The following HSPA12B variants were observed in gnomAD, a reference collection of about 807,000 sequenced individuals.
HSPA12B encodes heat shock 70 kDa protein 12B.
A neutral mutation model predicts 69.3 loss-of-function variants in HSPA12B; 54 were observed. The observed-to-expected ratio is 0.78, with a 90% CI of 0.63 to 0.98. The LOEUF is 0.98. Ranked by LOEUF, HSPA12B falls within the 50% of genes least tolerant of loss-of-function variation. The pLI is 0.00. For missense variants in HSPA12B, 929 were observed against 999.8 expected, an observed-to-expected ratio of 0.93 and a Z score of 0.96; for synonymous variants, 441 against 436.5, an observed-to-expected ratio of 1.01 and a Z score of -0.13.
At position 3,745,665 on chromosome 20, in the gene HSPA12B, TCC is replaced by T; in HGVS notation, c.558+72_558+73del. On this transcript the variant is annotated intron_variant, in intron 6 of 12. Transcript: ENST00000254963. This position sits in a 1 kb window ranked among gnomAD's most constrained non-coding sequence, Gnocchi z 5.6. ...CTATTTTCCCCTCATCCGAAACCGC[TCC>T]CCCATCCCGTCCCCGACATTGGATG... is the stretch of plus-strand genomic sequence containing the variant. 7.2e-7 allele frequency: 1 copy of T among 1,389,756 alleles called. No individual in the cohort carries two copies. The highest frequency in any genetic ancestry group is 1.0e-6 in the Non-Finnish European group (1 of 985,964). The allele number at this position is 1,389,756 out of a possible 1,614,324, so 86.1% of individuals were successfully genotyped here.
At position 3,738,718 on chromosome 20, in the gene HSPA12B, G is replaced by T. The variant is rs763181692; in HGVS notation, c.43+1G>T. On this transcript the variant is annotated splice_donor_variant, in intron 2 of 12. Coordinates refer to ENST00000254963, the MANE Select transcript of HSPA12B (RefSeq NM_052970.5). LOFTEE classifies it high-confidence loss of function. Reference sequence around the variant, plus strand: ...ATGGGCCTGCAGGGGCTGTACATCGGTAAGAACCCCCACCATTCTGCCCTG... The same window carrying T: ...ATGGGCCTGCAGGGGCTGTACATCGTTAAGAACCCCCACCATTCTGCCCTG... The T allele has an allele frequency of 2.5e-6, 4 of 1,614,138 alleles. No individual in the cohort carries two copies. The highest frequency in any genetic ancestry group is 2.5e-6 in the Non-Finnish European group (3 of 1,180,016).
rs1344964492 is a variant in HSPA12B at position 3,732,695 on chromosome 20, G to T, written c.-117G>T. 1.3e-5 allele frequency: 2 copies of T among 151,308 alleles called. No homozygotes were observed. The highest frequency in any genetic ancestry group is 3.0e-5 in the Non-Finnish European group (2 of 67,598). The allele number at this position is 151,308 out of a possible 1,614,324, so 9.4% of individuals were successfully genotyped here. A position where few individuals can be genotyped will look rare whatever the true frequency, so the allele number is the denominator to read the frequency against. ...GAGGCGGGAGGCCTCAGGGCCGGGCGCACGTCGAGGGCTGCGGCCGCCGCA... is the reference window on the plus strand; with the variant it reads ...GAGGCGGGAGGCCTCAGGGCCGGGCTCACGTCGAGGGCTGCGGCCGCCGCA... On this transcript the variant is annotated 5_prime_UTR_variant, in exon 1 of 13. Coordinates refer to ENST00000254963, the MANE Select transcript of HSPA12B (RefSeq NM_052970.5).
At chr20:3,746,544 C>T (rs1189225377) in intron 7 of HSPA12B, among the ~76,000 whole-genome samples, 2 of 151,882 alleles carry the variant, frequency 1.3e-5, no homozygotes, top group Admixed American at 6.6e-5. Flanking sequence ...CCTTGTGATC[C>T]GCCCGCCTCG....
rs778361086 is a variant in HSPA12B at position 3,749,844 on chromosome 20, C to T, written c.1032C>T (p.Tyr344=). Residue 344 remains tyrosine, a synonymous_variant, in exon 10 of 13, where the codon TAC becomes TAT. Coordinates refer to ENST00000254963, the MANE Select transcript of HSPA12B (RefSeq NM_052970.5). The surrounding 1 kb of genome is among the most constrained non-coding windows in gnomAD (Gnocchi z 5.5). ...CCCATGGCACCCTCAAGGAGCTCTA[C>T]AAGGCATCTGGTGAGTAGCCAGGCG... ...EQPHGTLKEL[Y]KASGGPYGAV... is the part of the protein sequence containing the mutation. The T allele has an allele frequency of 4.4e-6, 7 of 1,606,696 alleles. No individual in the cohort carries two copies. In the Admixed American group the frequency reaches 1.2e-4, roughly 27 times the overall value.
Position 3,751,791 on chromosome 20 carries a change from GGTT to G in HSPA12B, c.1687_1689del (p.Val563del). ...GGCGCCACCCGCCCGAAAAGCTGCTGGTTCGCGACGGCCGCCGCTGGTGCACCG... is the reference window on the plus strand; with the variant it reads ...GGCGCCACCCGCCCGAAAAGCTGCTGCGCGACGGCCGCCGCTGGTGCACCG... On this transcript the variant is annotated inframe_deletion, in exon 13 of 13. Coordinates refer to ENST00000254963, the MANE Select transcript of HSPA12B (RefSeq NM_052970.5). The G allele has an allele frequency of 6.5e-7, 1 of 1,528,194 alleles. No individual in the cohort carries two copies. Among genetic ancestry groups the G allele is most frequent in the Non-Finnish European group, 8.7e-7 (1 of 1,143,282 alleles). The allele number at this position is 1,528,194 out of a possible 1,614,324, so 94.7% of individuals were successfully genotyped here.
Position 3,745,820 on chromosome 20 carries a change from T to C in HSPA12B, c.559-95T>C. 8.5e-7 allele frequency: 1 copy of C among 1,171,686 alleles called. No individual in the cohort carries two copies. Among genetic ancestry groups the C allele is most frequent in the Non-Finnish European group, 1.3e-6 (1 of 778,168 alleles). 72.6% of individuals were successfully genotyped at this position (1,171,686 alleles called of 1,614,324 possible). A position where few individuals can be genotyped will look rare whatever the true frequency, so the allele number is the denominator to read the frequency against. ...TCTTCCAGCTCTGCTGGGAAGTCCT[T>C]CCTGTGATTTGATTAGTACCTCCAG... On this transcript the variant is annotated intron_variant, in intron 6 of 12. Coordinates refer to ENST00000254963, the MANE Select transcript of HSPA12B (RefSeq NM_052970.5). The surrounding 1 kb of genome is among the most constrained non-coding windows in gnomAD (Gnocchi z 5.6).
intron 11 of HSPA12B, among the ~76,000 whole-genome samples, chr20:3,750,462 G>A (rs974709872): frequency 2.0e-5 from 3 of 152,094 alleles, no homozygotes; most frequent in Non-Finnish European, 2.9e-5. Flanking sequence ...GAATCATAGC[G>A]GGGAGGCGGC....
At position 3,748,883 on chromosome 20, in the gene HSPA12B, C is replaced by CCAT. The variant is rs149306499; in HGVS notation, c.851-347_851-345dup. On this transcript the variant is annotated intron_variant, in intron 8 of 12. Transcript: ENST00000254963. ...ACAGCTATGGTCATCCTCCCAAATG[C>CCAT]CATCTCCCAGGGCAGGGAGAAGCCC... Among the ~76,000 whole-genome samples, 578 of 152,288 alleles carry CCAT rather than the reference C, an allele frequency of 3.8e-3. 13 individuals are homozygous for CCAT. The highest frequency in any genetic ancestry group is 0.031 in the Admixed American group (470 of 15,304).
rs2088290721 is a variant in HSPA12B, at chr20:3,745,811, G to A, written c.559-104G>A. 8.9e-7 allele frequency: 1 copy of A among 1,119,582 alleles called. No homozygotes were observed. The highest frequency in any genetic ancestry group is 1.4e-6 in the Non-Finnish European group (1 of 732,180). 69.4% of individuals were successfully genotyped at this position (1,119,582 alleles called of 1,614,324 possible). On this transcript the variant is annotated intron_variant, in intron 6 of 12. Coordinates refer to ENST00000254963, the MANE Select transcript of HSPA12B (RefSeq NM_052970.5). This position sits in a 1 kb window ranked among gnomAD's most constrained non-coding sequence, Gnocchi z 5.6. ...GGGGCCGATTCTTCCAGCTCTGCTG[G>A]GAAGTCCTTCCTGTGATTTGATTAG...
intron 1 of HSPA12B, among the ~76,000 whole-genome samples, chr20:3,734,499 A>G (rs2088077591): frequency 6.6e-6 from 1 of 152,166 alleles, no homozygotes; most frequent in African/African-American, 2.4e-5. Context: ...ATTACTCTCA[A>G]ACCCATAGGC....
At position 3,744,816 on chromosome 20, in the gene HSPA12B, CTG is replaced by C; in HGVS notation, c.267-84_267-83del. The C allele has an allele frequency of 7.7e-7, 1 of 1,300,212 alleles. No individual in the cohort carries two copies. The allele number at this position is 1,300,212 out of a possible 1,614,324, so 80.5% of individuals were successfully genotyped here. ...GCTAGTTCTCCCTGCTCTTTCACAT[CTG>C]TAAGTTTTTGCACATGCTGTTCCCT... On this transcript the variant is annotated intron_variant, in intron 4 of 12. Transcript: ENST00000254963. The surrounding 1 kb of genome is among the most constrained non-coding windows in gnomAD (Gnocchi z 4.9).
At position 3,740,888 on chromosome 20, in the gene HSPA12B, C is replaced by G; in HGVS notation, c.117C>G (p.Ala39=). ...SPRTQESCGI[A]PLTPSQSPKP... Reference sequence around the variant, plus strand: ...GGACCCAGGAAAGCTGCGGCATTGCCCCCCTCACACCCTCGCAGTCTCCAG... The same window carrying G: ...GGACCCAGGAAAGCTGCGGCATTGCGCCCCTCACACCCTCGCAGTCTCCAG... Residue 39 remains alanine, a synonymous_variant, in exon 3 of 13, where the codon GCC becomes GCG. Coordinates refer to ENST00000254963, the MANE Select transcript of HSPA12B (RefSeq NM_052970.5). The surrounding 1 kb of genome is among the most constrained non-coding windows in gnomAD (Gnocchi z 4.9). 1 of 1,613,416 alleles carries G rather than the reference C, an allele frequency of 6.2e-7. No homozygotes were observed. The highest frequency in any genetic ancestry group is 1.1e-5 in the South Asian group (1 of 90,994).
intron 3 of HSPA12B, among the ~76,000 whole-genome samples, chr20:3,741,572 G>A (rs369460883): frequency 2.0e-5 from 3 of 152,180 alleles, no homozygotes; most frequent in Non-Finnish European, 4.4e-5. Context: ...AGCGGAGGTT[G>A]CAGTTAGCCA....
chr20:3,745,438 A>G lies in HSPA12B; in HGVS notation c.454-55A>G. On this transcript the variant is annotated intron_variant, in intron 5 of 12. Coordinates refer to ENST00000254963, the MANE Select transcript of HSPA12B (RefSeq NM_052970.5). This position sits in a 1 kb window ranked among gnomAD's most constrained non-coding sequence, Gnocchi z 5.6. ...GGGTGATTTTAAGAGCGAGGTCGTC[A>G]GGAAATGAGTGCCAAGCTGAGGCCT... 1 of 1,268,692 alleles carries G rather than the reference A, an allele frequency of 7.9e-7. No homozygotes were observed. The highest frequency in any genetic ancestry group is 1.2e-6 in the Non-Finnish European group (1 of 865,606). The allele number at this position is 1,268,692 out of a possible 1,614,324, so 78.6% of individuals were successfully genotyped here. A position where few individuals can be genotyped will look rare whatever the true frequency, so the allele number is the denominator to read the frequency against.
rs1468951158 is a variant in HSPA12B at position 3,749,169 on chromosome 20, G to C, written c.851-63G>C. On this transcript the variant is annotated intron_variant, in intron 8 of 12. Coordinates refer to ENST00000254963, the MANE Select transcript of HSPA12B (RefSeq NM_052970.5). The surrounding 1 kb of genome is among the most constrained non-coding windows in gnomAD (Gnocchi z 5.5). The stretch of plus-strand genomic sequence containing the variant: ...GGAGGTCCTGGGCAGGAGGATGGGA[G>C]TTGAACGCCATAGCTGGAGCACCTC... 5.5e-6 allele frequency: 8 copies of C among 1,460,388 alleles called. No homozygotes were observed. The highest frequency in any genetic ancestry group is 1.4e-5 in the African/African-American group (1 of 71,760). 90.5% of individuals were successfully genotyped at this position (1,460,388 alleles called of 1,614,324 possible).
chr20:3,745,735 C>T lies in HSPA12B; in HGVS notation c.558+138C>T. On this transcript the variant is annotated intron_variant, in intron 6 of 12. Coordinates refer to ENST00000254963, the MANE Select transcript of HSPA12B (RefSeq NM_052970.5). This position sits in a 1 kb window ranked among gnomAD's most constrained non-coding sequence, Gnocchi z 5.6. ...CTCAGAGGTCATCTTCTCCAGTACC[C>T]TCCTCCCTTTTTGTCTGGTAGAGCC... 1.1e-6 allele frequency: 1 copy of T among 921,004 alleles called. No individual in the cohort carries two copies. Among genetic ancestry groups the T allele is most frequent in the Admixed American group, 1.9e-5 (1 of 53,758 alleles). The allele number at this position is 921,004 out of a possible 1,614,324, so 57.1% of individuals were successfully genotyped here.
rs2088380935 is a variant in HSPA12B, at chr20:3,749,942, C to T, written c.1043-27C>T. The T allele has an allele frequency of 6.5e-7, 1 of 1,548,042 alleles. No individual in the cohort carries two copies. ...CCTGGCGGCCCGGCGAGCGCTGACGCCCTCTTCGCCCCCTGCTCCACCCCA... is the reference window on the plus strand; with the variant it reads ...CCTGGCGGCCCGGCGAGCGCTGACGTCCTCTTCGCCCCCTGCTCCACCCCA... On this transcript the variant is annotated intron_variant, in intron 10 of 12. Coordinates refer to ENST00000254963, the MANE Select transcript of HSPA12B (RefSeq NM_052970.5). The surrounding 1 kb of genome is among the most constrained non-coding windows in gnomAD (Gnocchi z 5.5).
At position 3,740,838 on chromosome 20, in the gene HSPA12B, G is replaced by A. The variant is rs34414870; in HGVS notation, c.67G>A (p.Val23Met). 2 of 1,613,832 alleles carry A rather than the reference G, an allele frequency of 1.2e-6. No individual in the cohort carries two copies. The highest frequency in any genetic ancestry group is 2.2e-5 in the South Asian group (2 of 91,072). ...YIGSSPERSPVPSPPGSPRTQ... is the reference protein window; with the variant it reads ...YIGSSPERSPMPSPPGSPRTQ... ...AGGCTCCAGCCCGGAGCGGTCCCCA[G>A]TGCCTAGCCCACCCGGCTCCCCGAG... Residue 23 changes from valine to methionine, a missense_variant, in exon 3 of 13, where the codon GTG becomes ATG. This residue lies in a region of HSPA12B where 477 missense variants were observed against 535.2 expected (regional missense o/e 0.89). Coordinates refer to ENST00000254963, the MANE Select transcript of HSPA12B (RefSeq NM_052970.5). This position sits in a 1 kb window ranked among gnomAD's most constrained non-coding sequence, Gnocchi z 4.9.
In HSPA12B at chr20:3,752,148, C is replaced by T; in HGVS notation, c.2043C>T (p.Ile681=). 1.4e-6 allele frequency: 2 copies of T among 1,457,854 alleles called. No homozygotes were observed. The highest frequency in any genetic ancestry group is 1.8e-6 in the Non-Finnish European group (2 of 1,112,254). 90.3% of individuals were successfully genotyped at this position (1,457,854 alleles called of 1,614,324 possible). ...VSTNRSVRAS[I]DFLSN ...CCAATCGCTCCGTGCGCGCGTCCAT[C>T]GACTTTCTTTCCAACTGAGGGCGCG... is the stretch of plus-strand genomic sequence containing the variant. The change falls in exon 13 of 13, where the codon ATC becomes ATT. Residue 681 remains isoleucine, a synonymous_variant. Transcript: ENST00000254963.
Sources: gnomAD v4.1 joint callset for allele counts (sites outside exome capture counted in the v4.1 genomes callset) on GRCh38, gnomAD v4.1.1 for gene constraint, gnomAD v4.1.1 regional missense constraint, Gnocchi (gnomAD v3.1) non-coding constraint, MANE v1.5 for transcripts, NCBI Gene and HGNC (gene_info 2026-07-23, HGNC 2026-07-21) for gene names.